ARFGEF1: variants seen among roughly 807,000 people sequenced by gnomAD.
The protein encoded by ARFGEF1 is ARF guanine nucleotide exchange factor 1.
ARFGEF1 carries 42 observed loss-of-function variants against 231.0 expected under a neutral mutation model. The observed-to-expected ratio is 0.18, with a 90% CI of 0.14 to 0.24. The LOEUF is 0.24. Among genes scored for constraint, ARFGEF1 ranks in the 10% least tolerant of loss-of-function variants. ARFGEF1 has a pLI of 1.00. For synonymous variants in ARFGEF1, 710 were observed against 732.3 expected (o/e 0.97, Z 0.49); for missense variants, 1,345 against 2,192.0 (o/e 0.61, Z 7.72).
downstream of ARFGEF1, among the ~76,000 whole-genome samples, chr8:67,197,208 G>A (rs1268249848): frequency 2.6e-5 from 4 of 152,118 alleles, no homozygotes; most frequent in African/African-American, 9.7e-5. Context: ...CACTTTGTGA[G>A]GCTGAGTTGG....
intron 7 of ARFGEF1, among the ~76,000 whole-genome samples, chr8:67,284,501 T>C (rs1339756984): frequency 6.6e-6 from 1 of 152,202 alleles, no homozygotes; most frequent in African/African-American, 2.4e-5. Context: ...CAAGTAACTT[T>C]TTCAAAACAG....
intron 33 of ARFGEF1, among the ~76,000 whole-genome samples, chr8:67,214,456 A>C (rs1838857329): frequency 6.6e-6 from 1 of 152,228 alleles, no homozygotes; most frequent in Non-Finnish European, 1.5e-5. Flanking sequence ...AAGAACTGTT[A>C]AGCAAAAAGA....
At chr8:67,233,716 C>A (rs888075723) in intron 22 of ARFGEF1, among the ~76,000 whole-genome samples, 6 of 151,766 alleles carry the variant, frequency 4.0e-5, no homozygotes, top group African/African-American at 1.5e-4. Flanking sequence ...AGATTATTTC[C>A]TAAATCGTCT....
chr8:67,196,184 A>G (rs1837901565), downstream of ARFGEF1: 1 of 152,258 alleles, frequency 6.6e-6, no homozygotes, highest in Non-Finnish European at 1.5e-5. Context: ...TTTTATGCCA[A>G]TGAAGGCATT....
In ARFGEF1 at chr8:67,229,312, C is replaced by A. The variant is rs115381040; in HGVS notation, c.3381-1048G>T. ...TCCTATTAACCACTTTTCTATACTG[C>A]CTCACACTTACCTGAGCAAAAGGTA... is the stretch of plus-strand genomic sequence containing the variant. On this transcript the variant is annotated intron_variant, in intron 23 of 38. Coordinates refer to ENST00000262215, the MANE Select transcript of ARFGEF1 (RefSeq NM_006421.5). Among the ~76,000 whole-genome samples, 489 of 152,166 alleles carry A rather than the reference C, an allele frequency of 3.2e-3. 2 individuals carry two copies. The highest frequency in any genetic ancestry group is 0.01 in the African/African-American group (434 of 41,548).
intron 1 of ARFGEF1, among the ~76,000 whole-genome samples, chr8:67,316,373 T>A (rs1807316301): frequency 6.6e-6 from 1 of 152,154 alleles, no homozygotes; most frequent in South Asian, 2.1e-4. Flanking sequence ...TCCTGTACAA[T>A]CTCCTCTAGA....
At chr8:67,284,568 T>A (rs1805671375) in intron 7 of ARFGEF1, among the ~76,000 whole-genome samples, 1 of 152,192 alleles carries the variant, frequency 6.6e-6, no homozygotes, top group South Asian at 2.1e-4. Flanking sequence ...TACAGAAAAA[T>A]CTTGAACTTT....
chr8:67,340,699 T>G (rs1002317423), intron 1 of ARFGEF1, among the ~76,000 whole-genome samples: 2 of 152,188 alleles, frequency 1.3e-5, no homozygotes, highest in African/African-American at 4.8e-5. Flanking sequence ...AAATGTAACT[T>G]TACGAAATGT....
intron 7 of ARFGEF1, among the ~76,000 whole-genome samples, chr8:67,282,038 T>C (rs1805557329): frequency 6.6e-6 from 1 of 152,118 alleles, no homozygotes; most frequent in Non-Finnish European, 1.5e-5. Context: ...CTAAGTAAGC[T>C]TTAATTTTTG....
intron 14 of ARFGEF1, among the ~76,000 whole-genome samples, chr8:67,262,343 T>C (rs1804663564): frequency 6.6e-6 from 1 of 151,936 alleles, no homozygotes; most frequent in Non-Finnish European, 1.5e-5. Context: ...TGAATTGCTG[T>C]AACCTCATGA....
chr8:67,335,770 G>A (rs907944714), intron 1 of ARFGEF1, among the ~76,000 whole-genome samples: 14 of 149,750 alleles, frequency 9.3e-5, no homozygotes, highest in African/African-American at 3.5e-4. Flanking sequence ...TTTTTGAGAC[G>A]GACTCTCGCA....
At position 67,198,361 on chromosome 8, in the gene ARFGEF1, T is replaced by C; in HGVS notation, c.*573A>G. 4.1e-6 allele frequency: 4 copies of C among 984,788 alleles called. No individual in the cohort carries two copies. Among genetic ancestry groups the C allele is most frequent in the Non-Finnish European group, 4.8e-6 (4 of 828,958 alleles). 61.0% of individuals were successfully genotyped at this position (984,788 alleles called of 1,614,324 possible). On this transcript the variant is annotated 3_prime_UTR_variant, in exon 39 of 39. Coordinates refer to ENST00000262215, the MANE Select transcript of ARFGEF1 (RefSeq NM_006421.5). ...AAAGAAAACAGTGCAGGAAGAACTA[T>C]ATAATGTTTTAAGATTTTTATATTA...
intron 9 of ARFGEF1, 67 bp from the exon 10 acceptor site, chr8:67,272,003 C>A (rs1482443628): frequency 2.4e-5 from 22 of 935,310 alleles, no homozygotes; most frequent in African/African-American, 3.3e-5. Context: ...CAGGTTGTTC[C>A]AAAAATATTT....
chr8:67,225,494 T>C (rs183224245), intron 28 of ARFGEF1, among the ~76,000 whole-genome samples: 1 of 152,336 alleles, frequency 6.6e-6, no homozygotes, highest in East Asian at 1.9e-4. Context: ...CTTTCTCTTA[T>C]GACAGTTACA....
chr8:67,178,596 T>C (rs1161824841), intron 5 of ARFGEF1, among the ~76,000 whole-genome samples: 1 of 152,146 alleles, frequency 6.6e-6, no homozygotes, highest in Non-Finnish European at 1.5e-5. Flanking sequence ...GGAGGGTTTA[T>C]AGTTGGAAAT....
At chr8:67,332,135 TGA>T (rs1268719826) in intron 1 of ARFGEF1, among the ~76,000 whole-genome samples, 4 of 152,152 alleles carry the variant, frequency 2.6e-5, no homozygotes, top group Non-Finnish European at 4.4e-5. Flanking sequence ...GAAATATTGA[TGA>T]GAGAACAGAA....
At chr8:67,227,933 T>C in intron 25 of ARFGEF1, 30 bp downstream of exon 25, 1 of 1,499,036 alleles carries the variant, frequency 6.7e-7, no homozygotes, top group African/African-American at 1.4e-5. Flanking sequence ...ATACTACAAA[T>C]GTAAACAAAC....
chr8:67,299,824 T>C (rs1174330353), intron 3 of ARFGEF1, among the ~76,000 whole-genome samples: 1 of 151,982 alleles, frequency 6.6e-6, no homozygotes, highest in East Asian at 1.9e-4. Flanking sequence ...AAAAATTAGC[T>C]GGGTGTGGTG....
At chr8:67,271,349 T>C (rs1490661531) in intron 10 of ARFGEF1, among the ~76,000 whole-genome samples, 1 of 152,198 alleles carries the variant, frequency 6.6e-6, no homozygotes, top group Non-Finnish European at 1.5e-5. Context: ...GCAATATATA[T>C]TTGGAACTTT....
Sources: allele counts gnomAD v4.1 joint callset (sites outside exome capture counted in the v4.1 genomes callset), GRCh38; gene constraint gnomAD v4.1.1; transcripts MANE v1.5; gene names NCBI Gene and HGNC (gene_info 2026-07-23, HGNC 2026-07-21).